Variants in ESR1 observed in about 807,000 individuals in gnomAD.
ESR1 encodes the protein estrogen receptor.
Under a neutral mutation model 52.7 loss-of-function variants are expected in ESR1, and 12 were observed. That is an observed-to-expected ratio of 0.23 (90% CI 0.15 to 0.37). The LOEUF (loss-of-function observed/expected upper bound fraction) is 0.37, where lower values mean the gene tolerates loss of function less well. Ranked by LOEUF, ESR1 falls within the 10% of genes least tolerant of loss-of-function variation. The pLI, the probability that ESR1 is intolerant of heterozygous loss-of-function variation, is 1.00. For synonymous variants in ESR1, 305 were observed against 316.8 expected, an observed-to-expected ratio of 0.96 and a Z score of 0.39; for missense variants, 584 against 779.7, an observed-to-expected ratio of 0.75 and a Z score of 2.99.
rs1178192857 is a variant in ESR1 at position 152,098,206 on chromosome 6, T to C, written c.1554-526T>C. 6.6e-6 allele frequency among the ~76,000 whole-genome samples: 1 copy of C among 152,052 alleles called. No individual in the cohort carries two copies. Among genetic ancestry groups the C allele is most frequent in the Non-Finnish European group, 1.5e-5 (1 of 68,014 alleles). On this transcript the variant is annotated intron_variant, in intron 7 of 7. Transcript: ENST00000206249. This position sits in a 1 kb window ranked among gnomAD's most constrained non-coding sequence, Gnocchi z 5.1. ...GAGACATGGATGGAAGCTGGACCAG[T>C]TGGGCCTTGTTGAACATGGAAAGGC...
At chr6:151,670,782 T>C (rs1206573484) in intron 1 of ESR1, among the ~76,000 whole-genome samples, 2 of 149,724 alleles carry the variant, frequency 1.3e-5, no homozygotes, top group Non-Finnish European at 3.0e-5. Flanking sequence ...TTTTTTTTTT[T>C]TTTGAGACGG....
intron 2 of ESR1, among the ~76,000 whole-genome samples, chr6:151,790,628 G>A (rs192982925): frequency 2.8e-4 from 42 of 151,210 alleles, no homozygotes; most frequent in African/African-American, 9.5e-4. Context: ...ACTTTACTTT[G>A]GAATGTGCCA....
chr6:151,690,066 G>A (rs924989634), upstream of ESR1, among the ~76,000 whole-genome samples: 6 of 152,116 alleles, frequency 3.9e-5, no homozygotes, highest in African/African-American at 1.2e-4. Flanking sequence ...CTCATTAATC[G>A]GTAACAAGAA....
At chr6:152,080,645 A>G (rs545937525) in intron 6 of ESR1, among the ~76,000 whole-genome samples, 230 of 152,360 alleles carry the variant, frequency 1.5e-3, no homozygotes, top group African/African-American at 5.2e-3. Context: ...TCAAATTCAA[A>G]CATAACAATA....
chr6:151,965,427 C>A (rs2038165254), intron 4 of ESR1, among the ~76,000 whole-genome samples: 1 of 152,052 alleles, frequency 6.6e-6, no homozygotes, highest in African/African-American at 2.4e-5. Context: ...AAGTACAAGT[C>A]TCTCTTCTCA....
At chr6:151,698,083 C>A (rs1779498223) in intron 1 of ESR1, among the ~76,000 whole-genome samples, 1 of 151,680 alleles carries the variant, frequency 6.6e-6, no homozygotes. Context: ...GGCGACAGAA[C>A]ATTTAATGCT....
chr6:151,821,617 G>T (rs564196889), intron 1 of ESR1, among the ~76,000 whole-genome samples: 26 of 152,174 alleles, frequency 1.7e-4, no homozygotes, highest in African/African-American at 6.3e-4. Context: ...TGAAGCAGTT[G>T]GGTGCTATTT....
chr6:151,766,683 T>C (rs2128103707), intron 2 of ESR1, among the ~76,000 whole-genome samples: 1 of 152,296 alleles, frequency 6.6e-6, no homozygotes, highest in Non-Finnish European at 1.5e-5. Context: ...ATTTACAGTT[T>C]TCTTAATATA....
intron 1 of ESR1, among the ~76,000 whole-genome samples, chr6:151,837,829 A>ACCTTTC (rs1245052470): frequency 1.3e-5 from 2 of 152,150 alleles, no homozygotes; most frequent in Non-Finnish European, 2.9e-5. Flanking sequence ...TTTTACAAGG[A>ACCTTTC]AGGAGGTATC....
intron 4 of ESR1, among the ~76,000 whole-genome samples, chr6:151,945,625 G>A (rs1488870948): frequency 1.3e-5 from 2 of 152,176 alleles, no homozygotes; most frequent in African/African-American, 4.8e-5. Flanking sequence ...TGGGCTTATA[G>A]GTTAAATGAG....
At chr6:152,085,713 A>C (rs1305835305) in intron 6 of ESR1, among the ~76,000 whole-genome samples, 1 of 152,160 alleles carries the variant, frequency 6.6e-6, no homozygotes, top group African/African-American at 2.4e-5. Flanking sequence ...CAAAAAAAAA[A>C]AGTTTCATAG....
In ESR1 at chr6:151,711,444, A is replaced by G. The variant is rs536197583; in HGVS notation, c.-71+9439A>G. On this transcript the variant is annotated intron_variant, in intron 2 of 2. Transcript: ENST00000404742. ...CACTGTGTTAGCCAGGATGGTCTCGATCTTCTGACCTCGTGATCCACCTGC... is the reference window on the plus strand; with the variant it reads ...CACTGTGTTAGCCAGGATGGTCTCGGTCTTCTGACCTCGTGATCCACCTGC... 1.2e-4 allele frequency among the ~76,000 whole-genome samples: 18 copies of G among 152,220 alleles called. No individual in the cohort carries two copies. In the East Asian group the frequency reaches 3.3e-3, roughly 28 times the overall value.
At chr6:151,837,731 A>G (rs187726415) in intron 1 of ESR1, among the ~76,000 whole-genome samples, 11 of 152,328 alleles carry the variant, frequency 7.2e-5, no homozygotes, top group Admixed American at 7.2e-4. Context: ...TTGGTAAACC[A>G]GTCAACTTTC....
At chr6:151,837,597 C>T (rs1241819405) in intron 1 of ESR1, among the ~76,000 whole-genome samples, 4 of 152,218 alleles carry the variant, frequency 2.6e-5, no homozygotes, top group South Asian at 2.1e-4. Context: ...CTTGGTGCTT[C>T]GTGGTTGTAA....
intron 5 of ESR1, among the ~76,000 whole-genome samples, chr6:152,036,360 AAAAAAC>A (rs1213340823): frequency 1.3e-5 from 2 of 152,230 alleles, no homozygotes; most frequent in African/African-American, 4.8e-5. Context: ...ACTCCATCTC[AAAAAAC>A]AAAAACAAAA....
chr6:151,814,242 TG>T (rs1779272095), intron 1 of ESR1: 1 of 152,220 alleles, frequency 6.6e-6, no homozygotes, highest in South Asian at 2.1e-4. Context: ...TGCAATTAAA[TG>T]ATGTTAGAAA....
At chr6:151,819,854 A>G (rs896456175) in intron 1 of ESR1, among the ~76,000 whole-genome samples, 1 of 152,174 alleles carries the variant, frequency 6.6e-6, no homozygotes, top group African/African-American at 2.4e-5. Flanking sequence ...CACTCTTATA[A>G]GGCATATTAG....
At chr6:151,923,787 G>A (rs1205394557) in intron 3 of ESR1, among the ~76,000 whole-genome samples, 2 of 152,132 alleles carry the variant, frequency 1.3e-5, no homozygotes, top group Non-Finnish European at 2.9e-5. Flanking sequence ...GCAGGTTTTT[G>A]TGTGCATGTG....
intron 5 of ESR1, among the ~76,000 whole-genome samples, chr6:152,046,402 G>A (rs1348994372): frequency 6.6e-6 from 1 of 152,152 alleles, no homozygotes; most frequent in Non-Finnish European, 1.5e-5. Context: ...GCACTTTTCA[G>A]ATTTTACTCT....
Sources: gnomAD v4.1 joint callset for allele counts (sites outside exome capture counted in the v4.1 genomes callset) on GRCh38, gnomAD v4.1.1 for gene constraint, Gnocchi (gnomAD v3.1) non-coding constraint, MANE v1.5 for transcripts, NCBI Gene and HGNC (gene_info 2026-07-23, HGNC 2026-07-21) for gene names.